ACSM1: variants seen among roughly 807,000 people sequenced by gnomAD.
ACSM1 encodes the protein acyl-coenzyme A synthetase ACSM1, mitochondrial.
ACSM1 carries 79 observed loss-of-function variants against 75.8 expected under a neutral mutation model. The observed-to-expected ratio is 1.04, with a 90% CI of 0.87 to 1.26. The LOEUF (loss-of-function observed/expected upper bound fraction) is 1.26, where lower values mean the gene tolerates loss of function less well. ACSM1 is among the 50% of genes most tolerant of loss of function. ACSM1 has a pLI of 0.00. For missense variants in ACSM1, 676 were observed against 720.1 expected (o/e 0.94, Z 0.70); for synonymous variants, 279 against 265.8 (o/e 1.05, Z -0.48).
intron 7 of ACSM1, among the ~76,000 whole-genome samples, chr16:20,655,757 G>C (rs2018925022): frequency 6.6e-6 from 1 of 152,110 alleles, no homozygotes; most frequent in African/African-American, 2.4e-5. Flanking sequence ...CCAGCTCCTG[G>C]GTTCAAGCAA....
At chr16:20,696,130 C>T (rs1233392180) in intron 1 of ACSM1, among the ~76,000 whole-genome samples, 1 of 152,180 alleles carries the variant, frequency 6.6e-6, no homozygotes, top group Non-Finnish European at 1.5e-5. Context: ...TAGCATATCG[C>T]CTATATGTGT....
At chr16:20,630,155 T>C (rs1333942615) in intron 10 of ACSM1, among the ~76,000 whole-genome samples, 1 of 151,800 alleles carries the variant, frequency 6.6e-6, no homozygotes. Context: ...GTTTCGCTCT[T>C]GTTGCCCAGG....
intron 10 of ACSM1, among the ~76,000 whole-genome samples, chr16:20,628,646 T>C (rs1392581415): frequency 1.3e-5 from 2 of 152,236 alleles, no homozygotes; most frequent in Admixed American, 1.3e-4. Context: ...TTCCATGTTA[T>C]GGATGTAGCT....
intron 12 of ACSM1, among the ~76,000 whole-genome samples, chr16:20,624,887 T>C (rs1246514151): frequency 6.6e-6 from 1 of 151,854 alleles, no homozygotes; most frequent in Non-Finnish European, 1.5e-5. Flanking sequence ...CTGGCTAATT[T>C]TTTTTGTATT....
At chr16:20,634,011 G>A (rs1265064699) in intron 10 of ACSM1, among the ~76,000 whole-genome samples, 1 of 152,184 alleles carries the variant, frequency 6.6e-6, no homozygotes, top group Non-Finnish European at 1.5e-5. Context: ...TAGAAACAGT[G>A]TGGTATTGGC....
chr16:20,681,753 G>A (rs892808551), intron 4 of ACSM1: 1 of 153,298 alleles, frequency 6.5e-6, no homozygotes, highest in Non-Finnish European at 1.5e-5. Context: ...ATTAAAGAAT[G>A]CATAAGCAAA....
chr16:20,637,249 T>C (rs745311542), intron 9 of ACSM1, 122 bp downstream of exon 9: 2 of 733,708 alleles, frequency 2.7e-6, no homozygotes, highest in Non-Finnish European at 4.6e-6. Flanking sequence ...AAGGGATAAA[T>C]GAGAAGAGAG....
At position 20,682,465 on chromosome 16, in the gene ACSM1, T is replaced by C. The variant is rs868213510; in HGVS notation, c.404-2A>G. ...TGGTCGCAGGAATGAAGATGATCCC[T>C]GGGGATGAGAAAGGAACTGATTGTT... is the stretch of plus-strand genomic sequence containing the variant. On this transcript the variant is annotated splice_acceptor_variant, in intron 3 of 13. Coordinates refer to ENST00000520010, the MANE Select transcript of ACSM1 (RefSeq NM_001318890.3). LOFTEE classifies it high-confidence loss of function. 9 of 1,612,258 alleles carry C rather than the reference T, an allele frequency of 5.6e-6. No homozygotes were observed. In the East Asian group the frequency reaches 2.0e-4, roughly 36 times the overall value.
At chr16:20,668,439 T>G (rs2019696945) in intron 6 of ACSM1, among the ~76,000 whole-genome samples, 1 of 152,152 alleles carries the variant, frequency 6.6e-6, no homozygotes, top group South Asian at 2.1e-4. Flanking sequence ...AGGTGCAGAA[T>G]GTGGTACAGA....
At chr16:20,641,855 A>G (rs1378215653) in intron 7 of ACSM1, among the ~76,000 whole-genome samples, 1 of 152,264 alleles carries the variant, frequency 6.6e-6, no homozygotes, top group African/African-American at 2.4e-5. Flanking sequence ...TCATCAAGGG[A>G]CACCCAAGAA....
chr16:20,662,851 G>C (rs906074770), intron 6 of ACSM1, among the ~76,000 whole-genome samples: 22 of 151,932 alleles, frequency 1.4e-4, no homozygotes, highest in Admixed American at 1.0e-3. Context: ...ACCCCAACAG[G>C]TGTCTTTACA....
intron 4 of ACSM1, among the ~76,000 whole-genome samples, chr16:20,676,902 C>A (rs78168707): frequency 6.6e-6 from 1 of 152,072 alleles, no homozygotes; most frequent in Non-Finnish European, 1.5e-5. Flanking sequence ...GCTACTGCAC[C>A]CAGGAGAAAC....
chr16:20,664,359 T>C (rs2152262957), intron 6 of ACSM1, among the ~76,000 whole-genome samples: 1 of 152,130 alleles, frequency 6.6e-6, no homozygotes, highest in South Asian at 2.1e-4. Flanking sequence ...TCCTTATTCT[T>C]ATATCAGATA....
At chr16:20,646,152 C>T (rs1368439047) in intron 7 of ACSM1, among the ~76,000 whole-genome samples, 2 of 152,180 alleles carry the variant, frequency 1.3e-5, no homozygotes, top group Non-Finnish European at 2.9e-5. Context: ...TTAGTCACAG[C>T]CTTCAGGCAA....
chr16:20,659,704 T>A lies in ACSM1; in HGVS notation c.992+2090A>T, dbSNP rs780527897. 2.0e-5 allele frequency among the ~76,000 whole-genome samples: 3 copies of A among 152,214 alleles called. No homozygotes were observed. The East Asian group carries it at 5.8e-4, about 29-fold the overall frequency. On this transcript the variant is annotated intron_variant, in intron 7 of 13. Coordinates refer to ENST00000520010, the MANE Select transcript of ACSM1 (RefSeq NM_001318890.3). ...TCATTTTCCTTCCTTCCTTTCCATA[T>A]CCAGGAGATAATCAACTAAGAACCA...
At chr16:20,624,402 C>A (rs1262355218) in intron 12 of ACSM1, among the ~76,000 whole-genome samples, 187 bp from the exon 13 acceptor site, 2 of 152,162 alleles carry the variant, frequency 1.3e-5, no homozygotes, top group African/African-American at 4.8e-5. Context: ...GTTATTTGAC[C>A]TCTCCTTAAC....
chr16:20,637,173 G>A (rs763026382), intron 9 of ACSM1, 198 bp downstream of exon 9: 4 of 764,378 alleles, frequency 5.2e-6, no homozygotes, highest in South Asian at 4.1e-5. Flanking sequence ...TGCCCTGGCT[G>A]CCAGGGTCAG....
Position 20,671,533 on chromosome 16 carries a change from TC to T in ACSM1, c.749del (p.Gly250GlufsTer8), listed in dbSNP as rs1480217058. 6.2e-7 allele frequency: 1 copy of T among 1,605,326 alleles called. No individual in the cohort carries two copies. Among genetic ancestry groups the T allele is most frequent in the Non-Finnish European group, 8.5e-7 (1 of 1,176,358 alleles). On this transcript the variant is annotated frameshift_variant, in exon 5 of 14. Transcript: ENST00000520010. LOFTEE classifies it high-confidence loss of function. ...HGLALQPSFP[G>X]SRKLRSLKTS... is the part of the protein sequence containing the mutation. The stretch of plus-strand genomic sequence containing the variant: ...TATGTCGGTGCCCTCTTTCCTACCT[TC>T]CTGGGAAGGAGGGTTGTAAGGCCAA...
chr16:20,623,515 GT>G lies in ACSM1; in HGVS notation c.1704del (p.Glu568AspfsTer14). ...KTITGKIERK[E>X]LRKKETGQM ...ATCTGACCAGTCTCCTTTTTCCGAAGTTCCTTCCGTTCAATCTTGCCAGTGA... is the reference window on the plus strand; with the variant it reads ...ATCTGACCAGTCTCCTTTTTCCGAAGTCCTTCCGTTCAATCTTGCCAGTGA... On this transcript the variant is annotated frameshift_variant, in exon 14 of 14. Transcript: ENST00000520010. LOFTEE classifies it high-confidence loss of function. 1 of 1,614,138 alleles carries G rather than the reference GT, an allele frequency of 6.2e-7. No individual in the cohort carries two copies. Among genetic ancestry groups the G allele is most frequent in the South Asian group, 1.1e-5 (1 of 91,086 alleles).
Sources: allele counts gnomAD v4.1 joint callset (sites outside exome capture counted in the v4.1 genomes callset), GRCh38; gene constraint gnomAD v4.1.1; transcripts MANE v1.5; gene names NCBI Gene and HGNC (gene_info 2026-07-23, HGNC 2026-07-21).